XYLT1: variants seen among roughly 807,000 people sequenced by gnomAD.
The protein encoded by XYLT1 is xylosyltransferase 1.
A neutral mutation model predicts 91.3 loss-of-function variants in XYLT1; 36 were observed. The ratio of observed to expected loss-of-function variants is 0.39; its 90% confidence interval spans 0.30 to 0.52. XYLT1 has a LOEUF of 0.52. Ranked by LOEUF, XYLT1 falls within the 20% of genes least tolerant of loss-of-function variation. The pLI, the probability that XYLT1 is intolerant of heterozygous loss-of-function variation, is 0.68. For missense variants in XYLT1, 1,242 were observed against 1,284.5 expected, an observed-to-expected ratio of 0.97 and a Z score of 0.51; for synonymous variants, 588 against 532.0, an observed-to-expected ratio of 1.11 and a Z score of -1.45.
At chr16:17,163,638 G>A (rs999118399) in intron 5 of XYLT1, among the ~76,000 whole-genome samples, 2 of 152,218 alleles carry the variant, frequency 1.3e-5, no homozygotes, top group Admixed American at 1.3e-4. Context: ...GCAGGATTTT[G>A]TGAATGTCAG....
intron 1 of XYLT1, among the ~76,000 whole-genome samples, chr16:17,414,995 T>A (rs2036162338): frequency 6.6e-6 from 1 of 152,104 alleles, no homozygotes; most frequent in African/African-American, 2.4e-5. Context: ...ATCACACCCT[T>A]TATTCAGCAC....
At chr16:17,400,135 G>C (rs2035945333) in intron 1 of XYLT1, among the ~76,000 whole-genome samples, 2 of 152,204 alleles carry the variant, frequency 1.3e-5, no homozygotes, top group Non-Finnish European at 2.9e-5. Flanking sequence ...CGGCCAGGTA[G>C]ACAGGAAGGA....
At chr16:17,194,313 C>T (rs1013819246) in intron 5 of XYLT1, 18 of 152,242 alleles carry the variant, frequency 1.2e-4, no homozygotes, top group Non-Finnish European at 1.8e-4. Context: ...GGCACTCACC[C>T]TCCCGGGTGC....
rs374348599 is a variant in XYLT1, at chr16:17,217,192, A to T, written c.914-16538T>A. On this transcript the variant is annotated intron_variant, in intron 3 of 11. Transcript: ENST00000261381. ...GCCTCAGGCCGGGGCTCTGATACAC[A>T]GACAAGGAGACCACACCACTTGGGG... 5.3e-5 allele frequency among the ~76,000 whole-genome samples: 8 copies of T among 152,338 alleles called. No homozygotes were observed. The South Asian group carries it at 1.0e-3, about 20-fold the overall frequency.
intron 8 of XYLT1, 31 bp downstream of exon 8, chr16:17,138,324 A>T: frequency 6.2e-7 from 1 of 1,602,138 alleles, no homozygotes; most frequent in Non-Finnish European, 8.5e-7. Context: ...GGCATCACTT[A>T]GGAGGCTGGC....
chr16:17,273,699 C>T (rs904767657), intron 2 of XYLT1, among the ~76,000 whole-genome samples: 2 of 151,788 alleles, frequency 1.3e-5, no homozygotes, highest in East Asian at 2.0e-4. Context: ...TCAAAATTAG[C>T]CAGTTGTAGT....
At chr16:17,313,575 G>A (rs2034583293) in intron 2 of XYLT1, among the ~76,000 whole-genome samples, 1 of 152,150 alleles carries the variant, frequency 6.6e-6, no homozygotes. Context: ...CCAGATCCGT[G>A]GGACTGTGGG....
intron 1 of XYLT1, among the ~76,000 whole-genome samples, chr16:17,367,458 T>C (rs1346748467): frequency 6.6e-6 from 1 of 152,180 alleles, no homozygotes; most frequent in Non-Finnish European, 1.5e-5. Context: ...GCAGCACCTA[T>C]CAATTTTGCA....
At chr16:17,336,722 G>A (rs1174940845) in intron 2 of XYLT1, among the ~76,000 whole-genome samples, 4 of 152,204 alleles carry the variant, frequency 2.6e-5, no homozygotes. Context: ...GGGCCACCAT[G>A]GCTTCTACCC....
At chr16:17,166,187 G>C (rs4782023) in intron 5 of XYLT1, among the ~76,000 whole-genome samples, 23,043 of 152,262 alleles carry the variant, frequency 0.15, 2,285 homozygotes, top group Non-Finnish European at 0.23. Flanking sequence ...GTCAAGCAAC[G>C]GGGTCAGGGC....
At chr16:17,257,237 G>A (rs1489710492) in intron 3 of XYLT1, among the ~76,000 whole-genome samples, 1 of 152,154 alleles carries the variant, frequency 6.6e-6, no homozygotes, top group Non-Finnish European at 1.5e-5. Flanking sequence ...CCCAGGGAAG[G>A]TGGAGCAAAA....
chr16:17,158,796 C>T (rs752860753), intron 6 of XYLT1, 33 bp downstream of exon 6: 1 of 1,608,180 alleles, frequency 6.2e-7, no homozygotes, highest in Admixed American at 1.7e-5. Flanking sequence ...TTTTCATTTC[C>T]ATTTTGTACA....
chr16:17,313,242 T>C (rs958540566), intron 2 of XYLT1, among the ~76,000 whole-genome samples: 14 of 152,214 alleles, frequency 9.2e-5, no homozygotes, highest in Non-Finnish European at 1.9e-4. Context: ...CACAGAGGCC[T>C]GCTTGTGAGG....
At chr16:17,292,885 C>G (rs2034252771) in intron 2 of XYLT1, among the ~76,000 whole-genome samples, 1 of 152,188 alleles carries the variant, frequency 6.6e-6, no homozygotes, top group Non-Finnish European at 1.5e-5. Context: ...TCATCCACTT[C>G]ATCTCAGCCC....
At chr16:17,377,102 G>A (rs561119041) in intron 1 of XYLT1, among the ~76,000 whole-genome samples, 29 of 151,034 alleles carry the variant, frequency 1.9e-4, no homozygotes, top group Admixed American at 3.3e-4. Context: ...GCTTGAACCC[G>A]GAAGGTGGAG....
chr16:17,114,847 TTTG>T (rs1434901586), intron 11 of XYLT1, among the ~76,000 whole-genome samples: 10 of 152,084 alleles, frequency 6.6e-5, no homozygotes, highest in Admixed American at 5.2e-4. Context: ...CTTTTTTGTT[TTTG>T]TTGTTGTTTT....
At chr16:17,264,739 T>C (rs1185757484) in intron 2 of XYLT1, among the ~76,000 whole-genome samples, 1 of 152,188 alleles carries the variant, frequency 6.6e-6, no homozygotes, top group East Asian at 1.9e-4. Context: ...ACAGTATTAG[T>C]ACTCCTTAAG....
rs10573500 is a variant in XYLT1, at chr16:17,261,241, C to CAA, written c.403-1745_403-1744dup. On this transcript the variant is annotated intron_variant, in intron 2 of 11. Transcript: ENST00000261381. ...CTGGGGGGAGAGTGAAACTGGCTCT[C>CAA]AAAAAAAAAAAAAAAAAAAAAAGAT... is the stretch of plus-strand genomic sequence containing the variant. 3.1e-3 allele frequency among the ~76,000 whole-genome samples: 302 copies of CAA among 96,340 alleles called. 2 individuals carry two copies. Among genetic ancestry groups the CAA allele is most frequent in the African/African-American group, 0.01 (274 of 26,942 alleles). 63.2% of individuals were successfully genotyped at this position (96,340 alleles called of 152,430 possible). A position where few individuals can be genotyped will look rare whatever the true frequency, so the allele number is the denominator to read the frequency against.
At chr16:17,172,666 T>C (rs7500193) in intron 5 of XYLT1, among the ~76,000 whole-genome samples, 7 of 152,094 alleles carry the variant, frequency 4.6e-5, no homozygotes, top group African/African-American at 1.7e-4. Flanking sequence ...AGAGATGGGG[T>C]TTTGCCATGT....
Sources: allele counts gnomAD v4.1 joint callset (sites outside exome capture counted in the v4.1 genomes callset), GRCh38; gene constraint gnomAD v4.1.1; transcripts MANE v1.5; gene names NCBI Gene and HGNC (gene_info 2026-07-23, HGNC 2026-07-21).